Variants in PALM2AKAP2 observed in about 807,000 individuals in gnomAD.
The protein encoded by PALM2AKAP2 is PALM2 and AKAP2 fusion.
Under a neutral mutation model 71.5 loss-of-function variants are expected in PALM2AKAP2, and 37 were observed. The observed-to-expected ratio is 0.52, with a 90% confidence interval of 0.40 to 0.68. The LOEUF (loss-of-function observed/expected upper bound fraction) is 0.68, where lower values mean the gene tolerates loss of function less well. Among genes scored for constraint, PALM2AKAP2 ranks in the 30% least tolerant of loss-of-function variants. The pLI is 0.00. For missense variants in PALM2AKAP2, 1,224 were observed against 1,191.8 expected, an observed-to-expected ratio of 1.03 and a Z score of -0.40; for synonymous variants, 468 against 478.8, an observed-to-expected ratio of 0.98 and a Z score of 0.29.
At chr9:109,898,316 G>A (rs1286870516) in intron 3 of PALM2AKAP2, among the ~76,000 whole-genome samples, 1 of 152,214 alleles carries the variant, frequency 6.6e-6, no homozygotes, top group Non-Finnish European at 1.5e-5. Flanking sequence ...GCACAAACAT[G>A]TGCTTACACA....
At chr9:109,956,162 G>T (rs1831742999) in intron 6 of PALM2AKAP2, among the ~76,000 whole-genome samples, 1 of 151,708 alleles carries the variant, frequency 6.6e-6, no homozygotes, top group Non-Finnish European at 1.5e-5. Context: ...ATGCCACCAT[G>T]CCAGGCTAAT....
intron 1 of PALM2AKAP2, among the ~76,000 whole-genome samples, chr9:109,698,206 C>A (rs1044261746): frequency 6.6e-5 from 10 of 151,816 alleles, no homozygotes; most frequent in Admixed American, 4.6e-4. Flanking sequence ...TCTCACTGTC[C>A]ATTTCATGAG....
At chr9:109,663,990 T>C (rs1827439521) in intron 1 of PALM2AKAP2, among the ~76,000 whole-genome samples, 1 of 152,230 alleles carries the variant, frequency 6.6e-6, no homozygotes, top group Non-Finnish European at 1.5e-5. Context: ...GTCTGTTTTA[T>C]CAGAGACTAG....
chr9:109,831,422 G>A (rs1216583546), intron 1 of PALM2AKAP2, among the ~76,000 whole-genome samples: 2 of 149,796 alleles, frequency 1.3e-5, no homozygotes, highest in Non-Finnish European at 3.0e-5. Context: ...AAATAACATA[G>A]GCAAACACTT....
At chr9:110,152,943 C>T (rs1470076926) in intron 2 of PALM2AKAP2, among the ~76,000 whole-genome samples, 10 of 152,144 alleles carry the variant, frequency 6.6e-5, no homozygotes, top group Non-Finnish European at 1.0e-4. Flanking sequence ...GGCATAGTGT[C>T]TTCTCTCTCT....
At chr9:110,131,242 CGT>C (rs1835728138) in intron 1 of PALM2AKAP2, among the ~76,000 whole-genome samples, 1 of 152,138 alleles carries the variant, frequency 6.6e-6, no homozygotes, top group South Asian at 2.1e-4. Context: ...GTTTCTGTGT[CGT>C]GGTATTAGGG....
chr9:109,757,951 A>G (rs117299391), intron 1 of PALM2AKAP2, among the ~76,000 whole-genome samples: 1,640 of 152,134 alleles, frequency 0.011, 14 homozygotes, highest in Middle Eastern at 0.048. Context: ...ATTTATATCC[A>G]CAAAAACTGC....
intron 1 of PALM2AKAP2, among the ~76,000 whole-genome samples, chr9:110,069,818 G>C (rs886381351): frequency 9.9e-5 from 15 of 152,174 alleles, no homozygotes; most frequent in African/African-American, 3.6e-4. Context: ...ACATGCACCG[G>C]CTTCCGCCTG....
At chr9:110,044,288 G>A (rs964306834), upstream of PALM2AKAP2, among the ~76,000 whole-genome samples, 5 of 151,110 alleles carry the variant, frequency 3.3e-5, no homozygotes, top group Admixed American at 1.3e-4. Flanking sequence ...TAGTGTGAGC[G>A]AGTCTTTTTG....
At chr9:110,158,325 G>C (rs1199840011) in intron 3 of PALM2AKAP2, among the ~76,000 whole-genome samples, 1 of 152,210 alleles carries the variant, frequency 6.6e-6, no homozygotes, top group Non-Finnish European at 1.5e-5. Context: ...GTAGAATTTA[G>C]CCAAGTGGGT....
At chr9:109,827,078 C>A (rs1004788195) in intron 1 of PALM2AKAP2, among the ~76,000 whole-genome samples, 3 of 152,112 alleles carry the variant, frequency 2.0e-5, no homozygotes, top group African/African-American at 7.2e-5. Flanking sequence ...AGTGTGTCAC[C>A]ATAGACTCTA....
chr9:109,837,633 C>T (rs1192946979), intron 1 of PALM2AKAP2, among the ~76,000 whole-genome samples: 5 of 152,142 alleles, frequency 3.3e-5, no homozygotes, highest in African/African-American at 9.6e-5. Flanking sequence ...TCAGGAGACC[C>T]ATCTCATATG....
intron 1 of PALM2AKAP2, among the ~76,000 whole-genome samples, chr9:109,853,950 A>G (rs538534173): frequency 9.1e-4 from 139 of 152,326 alleles, no homozygotes; most frequent in African/African-American, 3.2e-3. Context: ...ACTGGCTCAA[A>G]CAACCCTATG....
intron 1 of PALM2AKAP2, among the ~76,000 whole-genome samples, chr9:110,063,437 C>A (rs937637113): frequency 4.3e-5 from 6 of 138,728 alleles, no homozygotes; most frequent in African/African-American, 1.6e-4. Context: ...GTCCAAATTT[C>A]TATTTTTTTT....
intron 1 of PALM2AKAP2, among the ~76,000 whole-genome samples, chr9:110,104,927 G>A (rs1188679506): frequency 1.3e-5 from 2 of 152,124 alleles, no homozygotes; most frequent in Non-Finnish European, 2.9e-5. Flanking sequence ...AGACTACCTC[G>A]AACTTTTCTC....
At chr9:109,998,412 T>A (rs1276810156) in intron 6 of PALM2AKAP2, among the ~76,000 whole-genome samples, 1 of 152,018 alleles carries the variant, frequency 6.6e-6, no homozygotes, top group African/African-American at 2.4e-5. Flanking sequence ...AGGGGTGTGA[T>A]GAGGACGAGA....
At chr9:109,707,647 T>A (rs1828164560) in intron 1 of PALM2AKAP2, among the ~76,000 whole-genome samples, 1 of 152,200 alleles carries the variant, frequency 6.6e-6, no homozygotes, top group African/African-American at 2.4e-5. Context: ...TCCAAGCCTG[T>A]TTCTTTAACT....
intron 1 of PALM2AKAP2, among the ~76,000 whole-genome samples, chr9:109,733,261 C>T (rs1587887128): frequency 1.3e-5 from 2 of 152,062 alleles, no homozygotes; most frequent in South Asian, 2.1e-4. Flanking sequence ...CAAAGAGGGT[C>T]GTTGGGGAGA....
chr9:109,965,171 T>C (rs972209486), intron 6 of PALM2AKAP2, among the ~76,000 whole-genome samples: 2 of 152,244 alleles, frequency 1.3e-5, no homozygotes, highest in African/African-American at 4.8e-5. Flanking sequence ...GAACCTCTTT[T>C]TCCTATGAAG....
Sources: allele counts gnomAD v4.1 joint callset (sites outside exome capture counted in the v4.1 genomes callset), GRCh38; gene constraint gnomAD v4.1.1; transcripts MANE v1.5; gene names NCBI Gene and HGNC (gene_info 2026-07-23, HGNC 2026-07-21).